CCNY: variants seen among roughly 807,000 people sequenced by gnomAD.
CCNY encodes the protein cyclin Y, also known as cyclin-Y.
Under a neutral mutation model 42.8 loss-of-function variants are expected in CCNY, and 19 were observed. That is an observed-to-expected ratio of 0.44 (90% confidence interval 0.31 to 0.65). The LOEUF (loss-of-function observed/expected upper bound fraction) is 0.65. Among genes scored for constraint, CCNY ranks in the 30% least tolerant of loss-of-function variants. The pLI is 0.07. For synonymous variants in CCNY, 165 were observed against 162.7 expected (o/e 1.01, Z -0.11); for missense variants, 370 against 437.3 (o/e 0.85, Z 1.37).
chr10:35,510,063 G>A (rs1349613145), intron 3 of CCNY, among the ~76,000 whole-genome samples: 1 of 152,072 alleles, frequency 6.6e-6, no homozygotes, highest in African/African-American at 2.4e-5. Context: ...GGAGGCTGCA[G>A]ACCAAAACCT....
chr10:35,475,877 C>T (rs1378040266), intron 1 of CCNY, among the ~76,000 whole-genome samples: 1 of 151,162 alleles, frequency 6.6e-6, no homozygotes, highest in African/African-American at 2.4e-5. Context: ...CATCAGTGTG[C>T]TGTATTCAGG....
intron 3 of CCNY, among the ~76,000 whole-genome samples, chr10:35,503,618 C>T (rs1202534635): frequency 1.3e-5 from 2 of 152,184 alleles, no homozygotes; most frequent in East Asian, 1.9e-4. Context: ...TAATAATAAT[C>T]GGTCCCATCT....
intron 1 of CCNY, among the ~76,000 whole-genome samples, chr10:35,380,206 T>C (rs1837149642): frequency 6.6e-6 from 1 of 152,190 alleles, no homozygotes; most frequent in African/African-American, 2.4e-5. Context: ...TGCTCCCATT[T>C]TGGTTTGTAT....
chr10:35,385,759 G>A (rs1361699502), intron 1 of CCNY, among the ~76,000 whole-genome samples: 1 of 152,114 alleles, frequency 6.6e-6, no homozygotes, highest in East Asian at 1.9e-4. Flanking sequence ...TCCAGTCTTG[G>A]GGTGCCTTCC....
chr10:35,519,194 A>C (rs907147427), intron 4 of CCNY, among the ~76,000 whole-genome samples: 12 of 151,712 alleles, frequency 7.9e-5, no homozygotes, highest in Non-Finnish European at 1.3e-4. Flanking sequence ...TCTTGATTGA[A>C]TCTGGCTGAG....
chr10:35,554,991 G>A (rs1192063221), intron 8 of CCNY, among the ~76,000 whole-genome samples: 2 of 152,164 alleles, frequency 1.3e-5, no homozygotes, highest in African/African-American at 4.8e-5. Flanking sequence ...GGAAACTTAA[G>A]ATCAATGGAA....
At chr10:35,399,738 G>T (rs1430138993) in intron 1 of CCNY, among the ~76,000 whole-genome samples, 1 of 152,158 alleles carries the variant, frequency 6.6e-6, no homozygotes, top group East Asian at 1.9e-4. Flanking sequence ...TTTATGTGCG[G>T]AGTACTGATA....
chr10:35,481,516 A>G (rs141310726), intron 1 of CCNY, among the ~76,000 whole-genome samples: 2 of 152,336 alleles, frequency 1.3e-5, no homozygotes, highest in Non-Finnish European at 2.9e-5. Context: ...GTGGGTCTTA[A>G]AGAAAACTGG....
intron 1 of CCNY, among the ~76,000 whole-genome samples, chr10:35,455,665 C>G (rs1157545782): frequency 6.6e-6 from 1 of 152,172 alleles, no homozygotes. Flanking sequence ...CTCCCCTTTT[C>G]TCTCTGGGTC....
Position 35,352,418 on chromosome 10 carries a change from T to C in CCNY, c.154+15211T>C, listed in dbSNP as rs538220123. The stretch of plus-strand genomic sequence containing the variant: ...AGAATTAACTAGGCAAGTAGTTGGC[T>C]GAGAGAATTACCAGTGCCTGGGGTG... On this transcript the variant is annotated intron_variant, in intron 1 of 9. Transcript: ENST00000374704. Among the ~76,000 whole-genome samples the C allele has an allele frequency of 4.3e-4, 66 of 152,312 alleles. 1 individual carries two copies. Among genetic ancestry groups the C allele is most frequent in the African/African-American group, 1.5e-3 (61 of 41,568 alleles).
At chr10:35,508,352 T>C (rs745774559) in intron 3 of CCNY, among the ~76,000 whole-genome samples, 64 of 152,354 alleles carry the variant, frequency 4.2e-4, no homozygotes, top group Middle Eastern at 3.4e-3. Flanking sequence ...ATTTGGGTAG[T>C]GGCAGTCTTT....
At chr10:35,330,936 G>A (rs189060884) in intron 3 of CCNY, among the ~76,000 whole-genome samples, 2 of 152,152 alleles carry the variant, frequency 1.3e-5, no homozygotes, top group Admixed American at 6.5e-5. Context: ...ATTTTTGTAT[G>A]TTTAGTAGAG....
chr10:35,328,813 CTG>C, intron 3 of CCNY, among the ~76,000 whole-genome samples: 1 of 152,288 alleles, frequency 6.6e-6, no homozygotes, highest in South Asian at 2.1e-4. Flanking sequence ...CACAGGGAAA[CTG>C]AGATTGAGAC....
intron 3 of CCNY, among the ~76,000 whole-genome samples, chr10:35,269,743 C>A (rs1835139473): frequency 6.6e-6 from 1 of 151,784 alleles, no homozygotes; most frequent in Admixed American, 6.6e-5. Context: ...GATTCTCCTG[C>A]CTCAGCCTCT....
intron 3 of CCNY, among the ~76,000 whole-genome samples, chr10:35,280,079 T>C (rs1835282632): frequency 6.6e-6 from 1 of 152,188 alleles, no homozygotes; most frequent in Non-Finnish European, 1.5e-5. Context: ...TGTATCTATG[T>C]CCAGTTGATT....
chr10:35,264,222 G>A (rs1378836606), intron 3 of CCNY, among the ~76,000 whole-genome samples: 1 of 152,022 alleles, frequency 6.6e-6, no homozygotes, highest in Non-Finnish European at 1.5e-5. Context: ...GGGTCAAATG[G>A]TATTTCTTTC....
intron 1 of CCNY, among the ~76,000 whole-genome samples, chr10:35,482,098 T>C (rs1024716175): frequency 4.6e-5 from 7 of 152,210 alleles, no homozygotes; most frequent in Admixed American, 1.3e-4. Flanking sequence ...CCAGTAGCCA[T>C]TGGCTGATGT....
intron 3 of CCNY, among the ~76,000 whole-genome samples, chr10:35,277,295 C>T (rs35323313): frequency 0.35 from 52,755 of 152,036 alleles, 9,262 homozygotes; most frequent in South Asian, 0.43. Flanking sequence ...ATACTATTTT[C>T]TTAACAAGAA....
chr10:35,320,109 A>G (rs905582465), intron 3 of CCNY, among the ~76,000 whole-genome samples: 25 of 152,186 alleles, frequency 1.6e-4, no homozygotes, highest in Non-Finnish European at 2.6e-4. Context: ...TCATTCTAAA[A>G]ACAAAGAAAG....
Sources: gnomAD v4.1 joint callset for allele counts (sites outside exome capture counted in the v4.1 genomes callset) on GRCh38, gnomAD v4.1.1 for gene constraint, MANE v1.5 for transcripts, NCBI Gene and HGNC (gene_info 2026-07-23, HGNC 2026-07-21) for gene names.